Variants in MYH10 observed in about 807,000 individuals in gnomAD.
The protein encoded by MYH10 is myosin heavy chain 10.
In MYH10, 55 loss-of-function variants were observed where a neutral mutation model predicts 257.8. The ratio of observed to expected loss-of-function variants is 0.21; its 90% CI spans 0.17 to 0.27. The LOEUF is 0.27. MYH10 is among the 10% of genes least tolerant of loss of function. MYH10 has a pLI of 1.00. For synonymous variants in MYH10, 854 were observed against 921.7 expected, an observed-to-expected ratio of 0.93 and a Z score of 1.33; for missense variants, 1,631 against 2,500.6, an observed-to-expected ratio of 0.65 and a Z score of 7.42.
intron 1 of MYH10, among the ~76,000 whole-genome samples, chr17:8,624,396 T>A (rs2085591740): frequency 6.6e-6 from 1 of 152,194 alleles, no homozygotes. Flanking sequence ...TTTTTGCTGC[T>A]ACTCCAAATT....
chr17:8,482,615 C>T (rs1914028213), intron 37 of MYH10, among the ~76,000 whole-genome samples: 2 of 152,138 alleles, frequency 1.3e-5, no homozygotes, highest in Non-Finnish European at 2.9e-5. Context: ...AAGGAAGGGA[C>T]CCCGGGGCCT....
chr17:8,596,883 A>C (rs932351883), intron 3 of MYH10, among the ~76,000 whole-genome samples: 5 of 152,212 alleles, frequency 3.3e-5, no homozygotes, highest in Non-Finnish European at 7.3e-5. Context: ...ACAGCATATG[A>C]GATCCATAAA....
intron 37 of MYH10, among the ~76,000 whole-genome samples, chr17:8,482,678 G>T (rs1010686449): frequency 6.6e-6 from 1 of 152,218 alleles, no homozygotes; most frequent in African/African-American, 2.4e-5. Flanking sequence ...CAGAAATAGG[G>T]GGAAGGGCAG....
At chr17:8,610,453 AAAAT>A (rs990847736) in intron 2 of MYH10, among the ~76,000 whole-genome samples, 5 of 151,700 alleles carry the variant, frequency 3.3e-5, no homozygotes, top group Admixed American at 6.6e-5. Flanking sequence ...AAAATAAATA[AAAAT>A]AAATAAAAAG....
chr17:8,475,865 T>G lies in MYH10; in HGVS notation c.5963A>C (p.Asp1988Ala). The G allele has an allele frequency of 6.2e-7, 1 of 1,614,238 alleles. No individual in the cohort carries two copies. The highest frequency in any genetic ancestry group is 8.5e-7 in the Non-Finnish European group (1 of 1,180,046). The stretch of plus-strand genomic sequence containing the variant: ...ACTGGTCTTACTTTCTGTGTCATCG[T>G]CGGAGAGCTCCAGGGAAGCTCCTTC... ...HLEGASLELS[D>A]DDTESKTSDV... Residue 1988 changes from aspartate to alanine, a missense_variant, in exon 43 of 43, where the codon GAC becomes GCC. Asp to Ala is a moderately radical substitution (Grantham distance 126). Around this residue, in one of 11 missense-constraint regions of MYH10, gnomAD observed 343 missense variants for 389.5 expected, o/e 0.88. Coordinates refer to ENST00000360416, the MANE Select transcript of MYH10 (RefSeq NM_001256012.3).
At chr17:8,501,008 C>G (rs2151843825) in intron 28 of MYH10, 38 bp from the exon 29 acceptor site, 1 of 1,569,832 alleles carries the variant, frequency 6.4e-7, no homozygotes, top group Non-Finnish European at 8.6e-7. Flanking sequence ...TCAGAATTAG[C>G]TGACTGATTA....
chr17:8,518,761 A>T lies in MYH10; in HGVS notation c.2374T>A (p.Tyr792Asn). 6.2e-7 allele frequency: 1 copy of T among 1,613,878 alleles called. No individual in the cohort carries two copies. The highest frequency in any genetic ancestry group is 8.5e-7 in the Non-Finnish European group (1 of 1,179,946). ...AATATCTTGCTCTGTCCAATTCTGT[A>T]CAAGTTTGGGTCCAATTCTAAAGCC... Reference protein sequence around the residue: ...IRALELDPNLYRIGQSKIFFR... With the variant: ...IRALELDPNLNRIGQSKIFFR... The change falls in exon 21 of 43, where the codon TAC becomes AAC. Residue 792 changes from tyrosine (Y) to asparagine (N), a missense_variant. Physicochemically the swap from Tyr to Asn is moderately radical, Grantham distance 143 (BLOSUM62 -2). Around this residue, in one of 11 missense-constraint regions of MYH10, gnomAD observed 116 missense variants for 221.6 expected, o/e 0.52. Coordinates refer to ENST00000360416, the MANE Select transcript of MYH10 (RefSeq NM_001256012.3).
intron 6 of MYH10, among the ~76,000 whole-genome samples, chr17:8,572,027 A>G (rs1174065903): frequency 5.3e-5 from 8 of 152,150 alleles, no homozygotes; most frequent in Non-Finnish European, 1.5e-5. Flanking sequence ...AATACTAAAT[A>G]TCTACTGCTA....
chr17:8,628,837 C>A (rs745599104), intron 1 of MYH10, among the ~76,000 whole-genome samples: 1 of 152,206 alleles, frequency 6.6e-6, no homozygotes, highest in Non-Finnish European at 1.5e-5. Context: ...TCAAGATTTC[C>A]TCCATCTCAC....
At chr17:8,524,713 G>A (rs2081782590) in intron 17 of MYH10, among the ~76,000 whole-genome samples, 1 of 152,066 alleles carries the variant, frequency 6.6e-6, no homozygotes, top group Non-Finnish European at 1.5e-5. Flanking sequence ...TCCTCTACCC[G>A]TAGTGCTACA....
chr17:8,582,216 AGAG>A (rs1170044620), intron 4 of MYH10, among the ~76,000 whole-genome samples: 6 of 152,234 alleles, frequency 3.9e-5, no homozygotes, highest in Admixed American at 1.3e-4. Flanking sequence ...AGATGGAAAC[AGAG>A]GAGGTAACTA....
At chr17:8,591,904 A>G (rs576997465) in intron 3 of MYH10, among the ~76,000 whole-genome samples, 1 of 152,236 alleles carries the variant, frequency 6.6e-6, no homozygotes, top group East Asian at 1.9e-4. Flanking sequence ...AACCTCCCAG[A>G]TTCTCTCCAA....
intron 2 of MYH10, among the ~76,000 whole-genome samples, chr17:8,612,758 G>C (rs770868351): frequency 6.6e-6 from 1 of 152,056 alleles, no homozygotes; most frequent in Non-Finnish European, 1.5e-5. Context: ...GGCTGAGGCA[G>C]TGGAATTGCT....
In MYH10 at chr17:8,558,210, C is replaced by A. The variant is rs144908928; in HGVS notation, c.757-4192G>T. Among the ~76,000 whole-genome samples, 941 of 152,256 alleles carry A rather than the reference C, an allele frequency of 6.2e-3. 10 individuals are homozygous for A. The highest frequency in any genetic ancestry group is 0.022 in the African/African-American group (908 of 41,544). Reference sequence around the variant, plus strand: ...AGGCTAAACAAATAAGCACTCTACACAAATAATATAATTATTGGCATGAAG... The same window carrying A: ...AGGCTAAACAAATAAGCACTCTACAAAAATAATATAATTATTGGCATGAAG... On this transcript the variant is annotated intron_variant, in intron 7 of 42. Transcript: ENST00000360416.
At chr17:8,537,285 C>T (rs778540527) in intron 14 of MYH10, among the ~76,000 whole-genome samples, 12 of 152,188 alleles carry the variant, frequency 7.9e-5, no homozygotes, top group Non-Finnish European at 1.6e-4. Flanking sequence ...TTCTCATCAA[C>T]TCACAAAGCT....
intron 2 of MYH10, among the ~76,000 whole-genome samples, chr17:8,611,164 G>A (rs2085024113): frequency 6.6e-6 from 1 of 152,170 alleles, no homozygotes; most frequent in Non-Finnish European, 1.5e-5. Context: ...TTTCAGCTGG[G>A]ACCCTGATGG....
chr17:8,626,076 T>C (rs957214235), intron 1 of MYH10, among the ~76,000 whole-genome samples: 5 of 152,242 alleles, frequency 3.3e-5, no homozygotes, highest in African/African-American at 9.6e-5. Flanking sequence ...AAAACTTCTA[T>C]ACAAATAAAA....
At chr17:8,610,070 A>G (rs2084966912) in intron 2 of MYH10, among the ~76,000 whole-genome samples, 1 of 151,966 alleles carries the variant, frequency 6.6e-6, no homozygotes, top group Non-Finnish European at 1.5e-5. Flanking sequence ...TAAAATTTTT[A>G]GGTGACTGGC....
At position 8,604,999 on chromosome 17, in the gene MYH10, A is replaced by G. The variant is rs757579894; in HGVS notation, c.346-17T>C. Reference sequence around the variant, plus strand: ...AGAATAAGTCTAGAATAAAAATAAAATAGAGTATTAAAAAAAAAACCTCTG... The same window carrying G: ...AGAATAAGTCTAGAATAAAAATAAAGTAGAGTATTAAAAAAAAAACCTCTG... On this transcript the variant is annotated splice_polypyrimidine_tract_variant and intron_variant, in intron 2 of 42. Coordinates refer to ENST00000360416, the MANE Select transcript of MYH10 (RefSeq NM_001256012.3). The G allele has an allele frequency of 7.1e-5, 96 of 1,358,210 alleles. No homozygotes were observed. The Admixed American group carries it at 2.3e-3, about 33-fold the overall frequency. The allele number at this position is 1,358,210 out of a possible 1,614,324, so 84.1% of individuals were successfully genotyped here.
Sources: gnomAD v4.1 joint callset for allele counts (sites outside exome capture counted in the v4.1 genomes callset) on GRCh38, gnomAD v4.1.1 for gene constraint, gnomAD v4.1.1 regional missense constraint, MANE v1.5 for transcripts, NCBI Gene and HGNC (gene_info 2026-07-23, HGNC 2026-07-21) for gene names.